TRIO: variants seen among roughly 807,000 people sequenced by gnomAD.
TRIO encodes trio Rho guanine nucleotide exchange factor.
A neutral mutation model predicts 351.9 loss-of-function variants in TRIO; 58 were observed. The observed-to-expected ratio is 0.16, with a 90% CI of 0.13 to 0.21. The LOEUF is 0.21. Ranked by LOEUF, TRIO falls within the 10% of genes least tolerant of loss-of-function variation. The probability of loss-of-function intolerance (pLI) is 1.00; values close to 1 mark genes in which losing one functional copy is unlikely to be tolerated. For missense variants in TRIO, 3,201 were observed against 4,027.8 expected (o/e 0.79, Z 5.56); for synonymous variants, 1,758 against 1,595.7 (o/e 1.10, Z -2.42).
At chr5:14,443,851 T>A (rs1752244881) in intron 34 of TRIO, among the ~76,000 whole-genome samples, 2 of 152,236 alleles carry the variant, frequency 1.3e-5, no homozygotes, top group Non-Finnish European at 2.9e-5. Context: ...TTATGACGTT[T>A]CCAATGGGAG....
intron 1 of TRIO, among the ~76,000 whole-genome samples, chr5:14,248,540 T>A (rs1016115141): frequency 1.3e-5 from 2 of 152,174 alleles, no homozygotes; most frequent in Non-Finnish European, 2.9e-5. Flanking sequence ...CTGCCGTAGG[T>A]GAGGGGGACA....
chr5:14,226,965 AC>A (rs138583492), intron 1 of TRIO, among the ~76,000 whole-genome samples: 8,831 of 149,974 alleles, frequency 0.059, 334 homozygotes, highest in African/African-American at 0.1. Flanking sequence ...GGAGGGAGGA[AC>A]ACAATCTGAA....
chr5:14,411,057 C>T (rs539172560), intron 33 of TRIO, among the ~76,000 whole-genome samples: 1 of 152,306 alleles, frequency 6.6e-6, no homozygotes, highest in Non-Finnish European at 1.5e-5. Flanking sequence ...GAGTGCATCT[C>T]CCTGCGGTAG....
At chr5:14,204,379 G>A (rs1791331360) in intron 1 of TRIO, among the ~76,000 whole-genome samples, 1 of 152,160 alleles carries the variant, frequency 6.6e-6, no homozygotes. Context: ...CACAGAGGAG[G>A]AAGAGTGTGA....
intron 1 of TRIO, among the ~76,000 whole-genome samples, chr5:14,204,858 C>T (rs186400322): frequency 2.6e-5 from 4 of 152,236 alleles, no homozygotes; most frequent in South Asian, 4.1e-4. Flanking sequence ...CTGGGCTGTT[C>T]GGATGATTCA....
chr5:14,201,840 C>T (rs1019942660), intron 1 of TRIO, among the ~76,000 whole-genome samples: 5 of 151,904 alleles, frequency 3.3e-5, no homozygotes, highest in African/African-American at 9.7e-5. Context: ...GAATGGCAGT[C>T]ATGTTTACTT....
At chr5:14,449,299 C>T (rs754568572) in intron 34 of TRIO, among the ~76,000 whole-genome samples, 14 of 152,224 alleles carry the variant, frequency 9.2e-5, no homozygotes, top group Non-Finnish European at 1.9e-4. Flanking sequence ...TCGGCCCCAT[C>T]TCTGCTGGGA....
chr5:14,378,170 G>A, intron 20 of TRIO, 43 bp downstream of exon 20: 1 of 1,432,298 alleles, frequency 7.0e-7, no homozygotes, highest in South Asian at 1.2e-5. Context: ...AAACTCCCGT[G>A]CTCACACCTG....
intron 39 of TRIO, among the ~76,000 whole-genome samples, chr5:14,473,630 T>C (rs1754839531): frequency 6.6e-6 from 1 of 152,252 alleles, no homozygotes; most frequent in South Asian, 2.1e-4. Flanking sequence ...AAAATCTTTC[T>C]GTTTCTAAGA....
intron 10 of TRIO, among the ~76,000 whole-genome samples, chr5:14,335,719 C>T (rs1741342695): frequency 6.6e-6 from 1 of 152,210 alleles, no homozygotes; most frequent in Non-Finnish European, 1.5e-5. Context: ...AATCCTGGTA[C>T]TTTGGGAGGC....
chr5:14,369,771 T>C (rs2152344675), intron 18 of TRIO, among the ~76,000 whole-genome samples: 1 of 152,210 alleles, frequency 6.6e-6, no homozygotes, highest in East Asian at 1.9e-4. Context: ...TGAGTAAGGA[T>C]TGGTTGGAAG....
At chr5:14,200,312 G>GTTCTCT (rs1384339491) in intron 1 of TRIO, among the ~76,000 whole-genome samples, 7 of 152,318 alleles carry the variant, frequency 4.6e-5, no homozygotes, top group African/African-American at 1.7e-4. Flanking sequence ...AAGAGAGAAG[G>GTTCTCT]CTTCCTGCCC....
At chr5:14,285,478 A>G (rs964944125) in intron 3 of TRIO, among the ~76,000 whole-genome samples, 1 of 151,916 alleles carries the variant, frequency 6.6e-6, no homozygotes, top group African/African-American at 2.4e-5. Context: ...GTGGGAAGCT[A>G]GTTAGTCTGA....
At chr5:14,231,414 T>G (rs1793419600) in intron 1 of TRIO, among the ~76,000 whole-genome samples, 1 of 152,254 alleles carries the variant, frequency 6.6e-6, no homozygotes, top group Non-Finnish European at 1.5e-5. Flanking sequence ...TGAGTCATAA[T>G]CACTACTTAA....
chr5:14,208,407 CAA>C (rs1791672195), intron 1 of TRIO, among the ~76,000 whole-genome samples: 1 of 152,192 alleles, frequency 6.6e-6, no homozygotes, highest in Admixed American at 6.5e-5. Flanking sequence ...AAGCCAGACA[CAA>C]AATACGACAT....
intron 1 of TRIO, among the ~76,000 whole-genome samples, chr5:14,233,890 A>G (rs1394289503): frequency 6.6e-6 from 1 of 152,072 alleles, no homozygotes; most frequent in Non-Finnish European, 1.5e-5. Context: ...TCCTGGGTTC[A>G]AGTGATTCTT....
intron 43 of TRIO, 130 bp downstream of exon 43, chr5:14,480,141 G>T: frequency 1.3e-6 from 1 of 797,356 alleles, no homozygotes; most frequent in Non-Finnish European, 1.9e-6. Flanking sequence ...TTTCTGATAA[G>T]TTAAACCTTA....
chr5:14,493,829 A>T (rs1756676031), intron 49 of TRIO, among the ~76,000 whole-genome samples: 1 of 152,246 alleles, frequency 6.6e-6, no homozygotes, highest in South Asian at 2.1e-4. Context: ...ACCCCACTAA[A>T]CACACAAATA....
chr5:14,163,500 G>A (rs1473500701), intron 1 of TRIO, among the ~76,000 whole-genome samples: 1 of 152,188 alleles, frequency 6.6e-6, no homozygotes, highest in Non-Finnish European at 1.5e-5. Context: ...CACCAGGCCT[G>A]GCCAACTAAA....
Sources: gnomAD v4.1 joint callset for allele counts (sites outside exome capture counted in the v4.1 genomes callset) on GRCh38, gnomAD v4.1.1 for gene constraint, MANE v1.5 for transcripts, NCBI Gene and HGNC (gene_info 2026-07-23, HGNC 2026-07-21) for gene names.